DBP: variants seen among roughly 807,000 people sequenced by gnomAD.
DBP encodes D-box binding PAR bZIP transcription factor, also known as D site-binding protein.
A neutral mutation model predicts 21.4 loss-of-function variants in DBP; 12 were observed. That is an observed-to-expected ratio of 0.56 (90% CI 0.36 to 0.91). The LOEUF is 0.91. Among genes scored for constraint, DBP ranks in the 40% least tolerant of loss-of-function variants. The pLI, the probability that DBP is intolerant of heterozygous loss-of-function variation, is 0.01. For synonymous variants in DBP, 213 were observed against 224.9 expected (o/e 0.95, Z 0.47); for missense variants, 423 against 473.4 (o/e 0.89, Z 0.99).
In DBP at chr19:48,637,111, G is replaced by T. The variant is rs540846669; in HGVS notation, c.-117C>A. On this transcript the variant is annotated 5_prime_UTR_variant, in exon 1 of 4. Coordinates refer to ENST00000222122, the MANE Select transcript of DBP (RefSeq NM_001352.5). ...GTCTGCCCAGGGGCGGGCGAGTGTA[G>T]CCTGCAACCCTCCAGTATCCAGAAC... The T allele has an allele frequency of 9.2e-5, 87 of 943,546 alleles. No individual in the cohort carries two copies. The African/African-American group carries it at 1.4e-3, about 15-fold the overall frequency. 58.4% of individuals were successfully genotyped at this position (943,546 alleles called of 1,614,324 possible).
intron 1 of DBP, 111 bp from the exon 2 acceptor site, chr19:48,636,101 C>G: frequency 3.7e-6 from 4 of 1,077,648 alleles, no homozygotes; most frequent in South Asian, 3.8e-5. Context: ...AAAGAGGGGA[C>G]GGGGGGTCGG....
Position 48,630,408 on chromosome 19 carries a change from C to G in DBP, c.*429G>C. ...AGGCAGTCGCTTCATTCCTCTCAGA[C>G]CTTCTGCCCTTCCTCCATCCGACAG... On this transcript the variant is annotated 3_prime_UTR_variant, in exon 4 of 4. Coordinates refer to ENST00000222122, the MANE Select transcript of DBP (RefSeq NM_001352.5). This position sits in a 1 kb window ranked among gnomAD's most constrained non-coding sequence, Gnocchi z 4.9. 1 of 1,410,368 alleles carries G rather than the reference C, an allele frequency of 7.1e-7. No individual in the cohort carries two copies. The highest frequency in any genetic ancestry group is 9.2e-7 in the Non-Finnish European group (1 of 1,085,568). 87.4% of individuals were successfully genotyped at this position (1,410,368 alleles called of 1,614,324 possible).
In DBP at chr19:48,637,333, A is replaced by G. The variant is rs2030850926; in HGVS notation, c.-339T>C. On this transcript the variant is annotated 5_prime_UTR_variant, in exon 1 of 4. Transcript: ENST00000222122. ...CGAGCCTGGCTCTTGCAAAATCTGC[A>G]GCTCTCGCAACGGAAGGCGCTTTGC... 3.4e-6 allele frequency: 1 copy of G among 292,692 alleles called. No individual in the cohort carries two copies. The highest frequency in any genetic ancestry group is 1.3e-4 in the South Asian group (1 of 7,432). The allele number at this position is 292,692 out of a possible 1,614,324, so 18.1% of individuals were successfully genotyped here.
Position 48,635,610 on chromosome 19 carries a change from C to A in DBP, c.520G>T (p.Ala174Ser). ...CGGTGGCCGCTGGCGGTCCCGAGGG[C>A]AGCCCGGGCGGGGGCGTGCCCAGGA... ...SSPGHAPARA[A>S]LGTASGHRAG... The change falls in exon 2 of 4, where the codon GCC (alanine) becomes TCC (serine). Residue 174 changes from alanine to serine, a missense_variant. Transcript: ENST00000222122. 1 of 1,351,062 alleles carries A rather than the reference C, an allele frequency of 7.4e-7. No homozygotes were observed. The highest frequency in any genetic ancestry group is 9.4e-7 in the Non-Finnish European group (1 of 1,061,554). The allele number at this position is 1,351,062 out of a possible 1,614,324, so 83.7% of individuals were successfully genotyped here. A position where few individuals can be genotyped will look rare whatever the true frequency, so the allele number is the denominator to read the frequency against.
chr19:48,636,829 G>C (rs1345302232), intron 1 of DBP, 27 bp downstream of exon 1: 1 of 1,609,738 alleles, frequency 6.2e-7, no homozygotes, highest in African/African-American at 1.3e-5. Context: ...GGTGTCCGAA[G>C]TGGGTGAGAT....
chr19:48,634,139 C>T (rs1368291699), intron 2 of DBP: 1 of 173,166 alleles, frequency 5.8e-6, no homozygotes, highest in African/African-American at 2.4e-5. Flanking sequence ...TTCCCCTAAG[C>T]CATAAAGATG....
In DBP at chr19:48,637,332, C is replaced by T. The variant is rs1222731564; in HGVS notation, c.-338G>A. 6.8e-6 allele frequency: 2 copies of T among 294,820 alleles called. No homozygotes were observed. Among genetic ancestry groups the T allele is most frequent in the Non-Finnish European group, 1.3e-5 (2 of 159,862 alleles). The allele number at this position is 294,820 out of a possible 1,614,324, so 18.3% of individuals were successfully genotyped here. ...GCGAGCCTGGCTCTTGCAAAATCTG[C>T]AGCTCTCGCAACGGAAGGCGCTTTG... On this transcript the variant is annotated 5_prime_UTR_variant, in exon 1 of 4. Coordinates refer to ENST00000222122, the MANE Select transcript of DBP (RefSeq NM_001352.5).
chr19:48,632,664 T>C (rs1312682986), intron 3 of DBP: 1 of 152,170 alleles, frequency 6.6e-6, no homozygotes, highest in Non-Finnish European at 1.5e-5. Context: ...CAATGACTGC[T>C]CAAATCACCC....
intron 3 of DBP, chr19:48,633,098 G>A: frequency 1.9e-6 from 1 of 516,098 alleles, no homozygotes; most frequent in South Asian, 2.3e-5. Context: ...GGCACAAGCA[G>A]TCCTCCCACC....
At chr19:48,633,926 CTCA>C in intron 2 of DBP, 1 of 467,248 alleles carries the variant, frequency 2.1e-6, no homozygotes, top group South Asian at 2.3e-5. Flanking sequence ...ATGGAGAAAC[CTCA>C]TCTTTACTAA....
intron 3 of DBP, chr19:48,631,634 T>C (rs1167759587): frequency 6.5e-6 from 1 of 152,810 alleles, no homozygotes; most frequent in African/African-American, 2.4e-5. Flanking sequence ...GGCCAGAGAA[T>C]AGCCTCCTCC....
chr19:48,634,591 C>T (rs1037659384), intron 2 of DBP: 18 of 668,360 alleles, frequency 2.7e-5, no homozygotes, highest in African/African-American at 2.5e-4. Context: ...CCTCCTCCTC[C>T]CTTCCTCCCA....
Position 48,635,313 on chromosome 19 carries a change from A to C in DBP, c.550+267T>G, listed in dbSNP as rs978833330. On this transcript the variant is annotated intron_variant, in intron 2 of 3. Coordinates refer to ENST00000222122, the MANE Select transcript of DBP (RefSeq NM_001352.5). ...ACGAGTATCCACATCGTTTGTCCCC[A>C]AGTCCCACAGAAAAACCCACAAAAT... is the stretch of plus-strand genomic sequence containing the variant. The C allele has an allele frequency of 2.4e-6, 3 of 1,271,894 alleles. No homozygotes were observed. In the African/African-American group the frequency reaches 4.8e-5, roughly 20 times the overall value. 78.8% of individuals were successfully genotyped at this position (1,271,894 alleles called of 1,614,324 possible). A position where few individuals can be genotyped will look rare whatever the true frequency, so the allele number is the denominator to read the frequency against.
intron 1 of DBP, 39 bp downstream of exon 1, chr19:48,636,817 A>G: frequency 6.2e-7 from 1 of 1,606,688 alleles, no homozygotes; most frequent in African/African-American, 1.3e-5. Context: ...CTAAGGGGGT[A>G]GGGTGTCCGA....
intron 3 of DBP, chr19:48,633,141 T>C (rs2030658179): frequency 1.7e-6 from 1 of 577,082 alleles, no homozygotes; most frequent in Non-Finnish European, 3.1e-6. Flanking sequence ...GAAATGGGGT[T>C]TTGCCATGTT....
intron 2 of DBP, chr19:48,634,832 T>G (rs1568439996): frequency 1.0e-6 from 1 of 985,476 alleles, no homozygotes; most frequent in Admixed American, 6.1e-5. Flanking sequence ...AAGGGAAACA[T>G]CTTTCCTCTT....
rs1437903463 is a variant in DBP, at chr19:48,630,165, GGCCGGTCAGGGCCCGCA to G, written c.*655_*671del. The G allele has an allele frequency of 6.0e-5, 74 of 1,238,176 alleles. No homozygotes were observed. The highest frequency in any genetic ancestry group is 7.4e-5 in the Non-Finnish European group (73 of 988,502). The allele number at this position is 1,238,176 out of a possible 1,614,324, so 76.7% of individuals were successfully genotyped here. A position where few individuals can be genotyped will look rare whatever the true frequency, so the allele number is the denominator to read the frequency against. On this transcript the variant is annotated 3_prime_UTR_variant, in exon 4 of 4. Transcript: ENST00000222122. This position sits in a 1 kb window ranked among gnomAD's most constrained non-coding sequence, Gnocchi z 4.9. The stretch of plus-strand genomic sequence containing the variant: ...TGGCTGGGGTAGGCCTCAGTGAGTC[GGCCGGTCAGGGCCCGCA>G]GCCTCGCCCCATCCACTCCGGTGCC...
In DBP at chr19:48,633,143, TG is replaced by T. The variant is rs1377710390; in HGVS notation, c.762+300del. ...CAAGTGGCTTGTAGAAATGGGGTTT[TG>T]CCATGTTGCCCAGGCTGGTCTTGAA... is the stretch of plus-strand genomic sequence containing the variant. On this transcript the variant is annotated intron_variant, in intron 3 of 3. Transcript: ENST00000222122. The T allele has an allele frequency of 3.5e-4, 205 of 578,804 alleles. 1 individual carries two copies. The highest frequency in any genetic ancestry group is 2.5e-5 in the Non-Finnish European group (8 of 325,476). The allele number at this position is 578,804 out of a possible 1,614,324, so 35.9% of individuals were successfully genotyped here. A position where few individuals can be genotyped will look rare whatever the true frequency, so the allele number is the denominator to read the frequency against.
At chr19:48,636,403 T>TC (rs2030799361) in intron 1 of DBP, among the ~76,000 whole-genome samples, 1 of 151,710 alleles carries the variant, frequency 6.6e-6, no homozygotes, top group Non-Finnish European at 1.5e-5. Flanking sequence ...TGTACCCCCT[T>TC]CCCCTCCCCC....
Sources: gnomAD v4.1 joint callset for allele counts (sites outside exome capture counted in the v4.1 genomes callset) on GRCh38, gnomAD v4.1.1 for gene constraint, Gnocchi (gnomAD v3.1) non-coding constraint, MANE v1.5 for transcripts, NCBI Gene and HGNC (gene_info 2026-07-23, HGNC 2026-07-21) for gene names.